SRPK2: variants seen among roughly 807,000 people sequenced by gnomAD.
SRPK2 encodes SRSF protein kinase 2, also known as SFRS protein kinase 2.
SRPK2 carries 21 observed loss-of-function variants against 90.8 expected under a neutral mutation model. That is an observed-to-expected ratio of 0.23 (90% confidence interval 0.16 to 0.33). The LOEUF (loss-of-function observed/expected upper bound fraction) is 0.33, where lower values mean the gene tolerates loss of function less well. SRPK2 is among the 10% of genes least tolerant of loss of function. SRPK2 has a pLI of 1.00. For synonymous variants in SRPK2, 288 were observed against 311.1 expected (o/e 0.93, Z 0.78); for missense variants, 620 against 869.0 (o/e 0.71, Z 3.60).
At chr7:105,282,084 T>C (rs927514949) in intron 2 of SRPK2, among the ~76,000 whole-genome samples, 4 of 152,244 alleles carry the variant, frequency 2.6e-5, no homozygotes, top group East Asian at 1.9e-4. Context: ...CACAAAGCTA[T>C]AGGAATGAAA....
At chr7:105,130,924 A>G (rs1485580909) in intron 13 of SRPK2, among the ~76,000 whole-genome samples, 1 of 152,202 alleles carries the variant, frequency 6.6e-6, no homozygotes, top group African/African-American at 2.4e-5. Context: ...GAAGACAGAA[A>G]GGCTTTTCCT....
intron 2 of SRPK2, chr7:105,268,923 CCTT>C: frequency 6.5e-7 from 1 of 1,540,872 alleles, no homozygotes; most frequent in Non-Finnish European, 8.8e-7. Flanking sequence ...TGCTTTCAAG[CCTT>C]ATATCAAGAG....
intron 2 of SRPK2, among the ~76,000 whole-genome samples, chr7:105,332,470 G>A (rs1814539069): frequency 1.3e-5 from 2 of 151,982 alleles, no homozygotes; most frequent in Admixed American, 1.3e-4. Context: ...AAAAATAAGT[G>A]CTCACTTTGT....
chr7:105,384,192 A>G (rs1219607357), intron 2 of SRPK2, among the ~76,000 whole-genome samples: 1 of 152,212 alleles, frequency 6.6e-6, no homozygotes, highest in Non-Finnish European at 1.5e-5. Flanking sequence ...AACATACTAT[A>G]AGGCAAAAAT....
chr7:105,166,847 G>A (rs1790133095), intron 6 of SRPK2, among the ~76,000 whole-genome samples: 1 of 152,174 alleles, frequency 6.6e-6, no homozygotes, highest in Non-Finnish European at 1.5e-5. Flanking sequence ...TATTTGAAAG[G>A]CTCAGTTGTA....
intron 2 of SRPK2, among the ~76,000 whole-genome samples, chr7:105,341,745 T>C (rs1233211966): frequency 1.3e-5 from 2 of 151,826 alleles, no homozygotes; most frequent in African/African-American, 4.8e-5. Flanking sequence ...AGGTGGGTGA[T>C]CACCTGATAC....
chr7:105,316,930 A>C (rs1188543267), intron 2 of SRPK2, among the ~76,000 whole-genome samples: 1 of 152,218 alleles, frequency 6.6e-6, no homozygotes, highest in Non-Finnish European at 1.5e-5. Flanking sequence ...ATGAGGCTTA[A>C]GTGAGACTGA....
chr7:105,378,919 C>A (rs1207340274), intron 2 of SRPK2, among the ~76,000 whole-genome samples: 1 of 152,070 alleles, frequency 6.6e-6, no homozygotes, highest in Non-Finnish European at 1.5e-5. Context: ...TGTCTTTACA[C>A]TTGTGGGAGA....
At chr7:105,165,121 T>G (rs1203309494) in intron 6 of SRPK2, among the ~76,000 whole-genome samples, 2 of 152,220 alleles carry the variant, frequency 1.3e-5, no homozygotes, top group Non-Finnish European at 2.9e-5. Context: ...CTACAGGTTT[T>G]GGGATACTTT....
intron 3 of SRPK2, among the ~76,000 whole-genome samples, chr7:105,197,335 A>G (rs1795037465): frequency 6.6e-6 from 1 of 152,180 alleles, no homozygotes; most frequent in Non-Finnish European, 1.5e-5. Context: ...AAGTTTTTAC[A>G]GGTAAGAAAT....
intron 2 of SRPK2, among the ~76,000 whole-genome samples, chr7:105,273,355 A>G (rs1585473966): frequency 1.3e-5 from 2 of 151,974 alleles, no homozygotes; most frequent in African/African-American, 4.8e-5. Flanking sequence ...TTTCGTATAC[A>G]GTTTCCTCTC....
intron 2 of SRPK2, among the ~76,000 whole-genome samples, chr7:105,263,456 G>A (rs10953473): frequency 6.6e-6 from 1 of 152,014 alleles, no homozygotes; most frequent in African/African-American, 2.4e-5. Context: ...ATATGAGACT[G>A]AATTAATTAC....
At chr7:105,265,366 T>C (rs931369364) in intron 2 of SRPK2, among the ~76,000 whole-genome samples, 2 of 152,214 alleles carry the variant, frequency 1.3e-5, no homozygotes, top group Non-Finnish European at 2.9e-5. Flanking sequence ...TTAAAACATA[T>C]GGGACGAAGT....
intron 2 of SRPK2, among the ~76,000 whole-genome samples, chr7:105,322,294 G>A (rs1375186982): frequency 2.6e-5 from 4 of 152,158 alleles, no homozygotes; most frequent in African/African-American, 9.7e-5. Context: ...GCATGTGCCT[G>A]GGGTCCTAGT....
At position 105,373,389 on chromosome 7, in the gene SRPK2, A is replaced by AAT. The variant is rs1819922598; in HGVS notation, c.71+15258_71+15259insAT. 4.2e-5 allele frequency among the ~76,000 whole-genome samples: 6 copies of AAT among 142,706 alleles called. No individual in the cohort carries two copies. The South Asian group carries it at 1.4e-3, about 32-fold the overall frequency. The allele number at this position is 142,706 out of a possible 152,430, so 93.6% of individuals were successfully genotyped here. ...CTTTACTTTGCCACAAAAAAAAAAAATTTTTTTTCTTTTCCTTTTTTTTTT... is the reference window on the plus strand; with the variant it reads ...CTTTACTTTGCCACAAAAAAAAAAAAATTTTTTTTTCTTTTCCTTTTTTTTTT... On this transcript the variant is annotated intron_variant, in intron 2 of 15. Coordinates refer to ENST00000393651, the MANE Select transcript of SRPK2 (RefSeq NM_182692.3).
chr7:105,396,819 AAAGAG>A (rs1563329662), intron 1 of SRPK2, among the ~76,000 whole-genome samples: 20 of 79,732 alleles, frequency 2.5e-4, no homozygotes, highest in South Asian at 1.9e-3. Context: ...AGAAAGAGAG[AAAGAG>A]AGAGAGAGAG....
At chr7:105,202,567 G>A (rs1484530351) in intron 3 of SRPK2, among the ~76,000 whole-genome samples, 1 of 152,142 alleles carries the variant, frequency 6.6e-6, no homozygotes, top group Non-Finnish European at 1.5e-5. Context: ...ATGGTGTCTA[G>A]ATCATATTGT....
intron 2 of SRPK2, among the ~76,000 whole-genome samples, chr7:105,288,985 G>A (rs1392507037): frequency 2.0e-5 from 3 of 151,794 alleles, no homozygotes; most frequent in African/African-American, 7.3e-5. Flanking sequence ...AGCCAGGTGC[G>A]GAGGCTCACG....
At chr7:105,180,106 C>T (rs1170870768) in intron 3 of SRPK2, among the ~76,000 whole-genome samples, 5 of 152,006 alleles carry the variant, frequency 3.3e-5, no homozygotes, top group Admixed American at 1.3e-4. Flanking sequence ...CCAAAAAAGC[C>T]CAAATAGCCA....
Sources: gnomAD v4.1 joint callset for allele counts (sites outside exome capture counted in the v4.1 genomes callset) on GRCh38, gnomAD v4.1.1 for gene constraint, MANE v1.5 for transcripts, NCBI Gene and HGNC (gene_info 2026-07-23, HGNC 2026-07-21) for gene names.